The following PCDHGB1 variants were observed in gnomAD, a reference collection of about 807,000 sequenced individuals.
PCDHGB1 encodes the protein protocadherin gamma subfamily B, 1, also known as protocadherin gamma-B1.
PCDHGB1 carries 34 observed loss-of-function variants against 56.6 expected under a neutral mutation model. That is an observed-to-expected ratio of 0.60 (90% CI 0.46 to 0.80). PCDHGB1 has a LOEUF of 0.80. PCDHGB1 is among the 30% of genes least tolerant of loss of function. PCDHGB1 has a pLI of 0.00. For synonymous variants in PCDHGB1, 561 were observed against 505.9 expected, an observed-to-expected ratio of 1.11 and a Z score of -1.46; for missense variants, 1,278 against 1,204.6, an observed-to-expected ratio of 1.06 and a Z score of -0.90.
In PCDHGB1 at chr5:141,423,130, G is replaced by A. The variant is rs770258338; in HGVS notation, c.2409+70461G>A. On this transcript the variant is annotated intron_variant, in intron 1 of 3. Coordinates refer to ENST00000523390, the MANE Select transcript of PCDHGB1 (RefSeq NM_018922.3). The stretch of plus-strand genomic sequence containing the variant: ...GGTGCGTACAGCGCGGGCACTGCTG[G>A]ACAGAGACGCGCTCAAGCAGAGCCT... The A allele has an allele frequency of 9.3e-6, 15 of 1,613,582 alleles. No individual in the cohort carries two copies. Among genetic ancestry groups the A allele is most frequent in the Middle Eastern group, 1.6e-4 (1 of 6,072 alleles).
chr5:141,377,273 A>G (rs910126061), intron 1 of PCDHGB1: 1 of 96,864 alleles, frequency 1.0e-5, no homozygotes, highest in African/African-American at 5.8e-5. Flanking sequence ...CTAATGTGGG[A>G]AAAAAAATAA....
intron 1 of PCDHGB1, chr5:141,374,829 T>A: frequency 1.2e-6 from 2 of 1,613,956 alleles, no homozygotes; most frequent in South Asian, 1.1e-5. Flanking sequence ...GTCTACCGTG[T>A]AAGTGTTCCT....
At chr5:141,375,681 C>T in intron 1 of PCDHGB1, 4 of 1,614,270 alleles carry the variant, frequency 2.5e-6, no homozygotes, top group Non-Finnish European at 3.4e-6. Flanking sequence ...CTGTGGGTGA[C>T]AGCCAGCGAC....
chr5:141,422,275 A>G (rs367711513), intron 1 of PCDHGB1: 6 of 1,560,374 alleles, frequency 3.8e-6, no homozygotes, highest in East Asian at 2.2e-5. Flanking sequence ...AGAAATAACT[A>G]TCACCTCTTC....
chr5:141,402,749 G>A (rs768250544), intron 1 of PCDHGB1, among the ~76,000 whole-genome samples: 4 of 152,152 alleles, frequency 2.6e-5, no homozygotes, highest in Non-Finnish European at 5.9e-5. Flanking sequence ...TCAACTCTAA[G>A]CGAAAATCAG....
At chr5:141,389,596 C>T (rs768865727) in intron 1 of PCDHGB1, 2 of 1,613,132 alleles carry the variant, frequency 1.2e-6, no homozygotes, top group Non-Finnish European at 1.7e-6. Context: ...GACGGCTCTG[C>T]GCTCTTCGAT....
At chr5:141,420,687 G>T (rs2096517632) in intron 1 of PCDHGB1, among the ~76,000 whole-genome samples, 1 of 152,182 alleles carries the variant, frequency 6.6e-6, no homozygotes, top group South Asian at 2.1e-4. Flanking sequence ...TATCGGGACC[G>T]TATTATTTCC....
intron 1 of PCDHGB1, chr5:141,399,373 G>A: frequency 6.2e-7 from 1 of 1,613,982 alleles, no homozygotes; most frequent in Non-Finnish European, 8.5e-7. Flanking sequence ...GGAGTACAAT[G>A]TCACCATCAC....
chr5:141,426,722 T>G (rs1022367359), intron 1 of PCDHGB1: 1 of 447,734 alleles, frequency 2.2e-6, no homozygotes, highest in Non-Finnish European at 4.6e-6. Context: ...AACTAGCAAT[T>G]CCAGGCATTC....
chr5:141,379,097 A>G (rs1775367339), intron 1 of PCDHGB1: 1 of 152,260 alleles, frequency 6.6e-6, no homozygotes, highest in Non-Finnish European at 1.5e-5. Context: ...ATGTGTAAGA[A>G]AAAAGCAATT....
chr5:141,367,141 T>G (rs1764967867), intron 1 of PCDHGB1: 1 of 171,782 alleles, frequency 5.8e-6, no homozygotes, highest in Admixed American at 5.8e-5. Context: ...GAAAGGATAA[T>G]GTATAGGACT....
intron 1 of PCDHGB1, chr5:141,423,195 G>A: frequency 1.2e-6 from 2 of 1,613,544 alleles, no homozygotes; most frequent in Non-Finnish European, 8.5e-7. Flanking sequence ...CCCCTCTCTC[G>A]GCCACCGTCA....
Position 141,476,944 on chromosome 5 carries a change from C to A in PCDHGB1, c.2410-17863C>A. The A allele has an allele frequency of 1.9e-6, 3 of 1,614,188 alleles. No individual in the cohort carries two copies. The highest frequency in any genetic ancestry group is 2.5e-6 in the Non-Finnish European group (3 of 1,180,044). ...CAACGGATCTGGATGAAGGCCCCAA[C>A]GGTGAAATTATTTACTCCTTCGGCA... On this transcript the variant is annotated intron_variant, in intron 1 of 3. Transcript: ENST00000523390. This position sits in a 1 kb window ranked among gnomAD's most constrained non-coding sequence, Gnocchi z 7.6.
At chr5:141,357,773 T>C in intron 1 of PCDHGB1, 1 of 917,442 alleles carries the variant, frequency 1.1e-6, no homozygotes, top group Non-Finnish European at 1.6e-6. Context: ...CTTCCAATAA[T>C]GATCAACAGT....
chr5:141,375,250 T>C (rs1771286937), intron 1 of PCDHGB1: 3 of 1,613,664 alleles, frequency 1.9e-6, no homozygotes, highest in Non-Finnish European at 2.5e-6. Context: ...TCCCGAGAAG[T>C]CTCCCATTTG....
chr5:141,447,823 C>T lies in PCDHGB1; in HGVS notation c.2410-46984C>T, dbSNP rs192381755. ...AAAATTGGCTGGGCGTGGTGGCTCA[C>T]GCCTGTAATCCCAGTGCTTTGGGAG... On this transcript the variant is annotated intron_variant, in intron 1 of 3. Coordinates refer to ENST00000523390, the MANE Select transcript of PCDHGB1 (RefSeq NM_018922.3). Among the ~76,000 whole-genome samples, 677 of 152,272 alleles carry T rather than the reference C, an allele frequency of 4.4e-3. 5 individuals are homozygous for T. Among genetic ancestry groups the T allele is most frequent in the African/African-American group, 0.015 (635 of 41,548 alleles).
At chr5:141,374,571 G>A in intron 1 of PCDHGB1, 1 of 1,613,670 alleles carries the variant, frequency 6.2e-7, no homozygotes, top group Non-Finnish European at 8.5e-7. Flanking sequence ...CCTGATGTGG[G>A]AATGAACTCC....
chr5:141,434,894 C>T (rs1316284716), intron 1 of PCDHGB1, among the ~76,000 whole-genome samples: 1 of 143,118 alleles, frequency 7.0e-6, no homozygotes, highest in East Asian at 2.1e-4. Flanking sequence ...AATCCAGTCC[C>T]CTTCCCTCAT....
chr5:141,419,591 G>A lies in PCDHGB1; in HGVS notation c.2409+66922G>A, dbSNP rs574335266. The A allele has an allele frequency of 2.2e-5, 35 of 1,611,826 alleles. No individual in the cohort carries two copies. The African/African-American group carries it at 4.0e-4, about 18-fold the overall frequency. On this transcript the variant is annotated intron_variant, in intron 1 of 3. Coordinates refer to ENST00000523390, the MANE Select transcript of PCDHGB1 (RefSeq NM_018922.3). ...CGACGGCTCCGCGCTCTTCGACACA[G>A]TGCCGCGGGCCGCGCAGCCAGGCTA...
Sources: allele counts gnomAD v4.1 joint callset (sites outside exome capture counted in the v4.1 genomes callset), GRCh38; gene constraint gnomAD v4.1.1; non-coding constraint Gnocchi (gnomAD v3.1); transcripts MANE v1.5; gene names NCBI Gene and HGNC (gene_info 2026-07-23, HGNC 2026-07-21).